NKAIN2: variants seen among roughly 807,000 people sequenced by gnomAD.
NKAIN2 encodes the protein sodium/potassium-transporting ATPase subunit beta-1-interacting protein 2.
NKAIN2 carries 14 observed loss-of-function variants against 32.6 expected under a neutral mutation model. The ratio of observed to expected loss-of-function variants is 0.43; its 90% confidence interval spans 0.28 to 0.67. NKAIN2 has a LOEUF of 0.67. Among genes scored for constraint, NKAIN2 ranks in the 30% least tolerant of loss-of-function variants. The pLI is 0.17. For synonymous variants in NKAIN2, 80 were observed against 87.2 expected (o/e 0.92, Z 0.46); for missense variants, 198 against 258.3 (o/e 0.77, Z 1.60).
chr6:123,961,650 C>A (rs1233496101), intron 1 of NKAIN2, among the ~76,000 whole-genome samples: 14 of 152,060 alleles, frequency 9.2e-5, no homozygotes, highest in Admixed American at 8.5e-4. Flanking sequence ...ATGGCTTGAA[C>A]CGAAAATGAC....
chr6:124,300,464 T>C (rs1479220885), intron 2 of NKAIN2, among the ~76,000 whole-genome samples: 1 of 152,162 alleles, frequency 6.6e-6, no homozygotes. Flanking sequence ...GACAATAGAC[T>C]AATATAGTAA....
At chr6:124,184,241 T>G (rs1789596574) in intron 1 of NKAIN2, among the ~76,000 whole-genome samples, 1 of 152,110 alleles carries the variant, frequency 6.6e-6, no homozygotes, top group African/African-American at 2.4e-5. Flanking sequence ...CCTCTCCTTT[T>G]TCACTATCAG....
At chr6:124,504,213 G>T (rs922413515) in intron 3 of NKAIN2, among the ~76,000 whole-genome samples, 2 of 152,094 alleles carry the variant, frequency 1.3e-5, no homozygotes, top group South Asian at 4.1e-4. Context: ...TTTTGAGCCA[G>T]CTTTACCATT....
intron 3 of NKAIN2, among the ~76,000 whole-genome samples, chr6:124,556,762 T>G (rs1378218259): frequency 6.6e-6 from 1 of 152,212 alleles, no homozygotes; most frequent in Non-Finnish European, 1.5e-5. Context: ...CTGATAAAAC[T>G]GAAATTTATG....
chr6:124,048,353 C>T (rs1782242066), intron 1 of NKAIN2, among the ~76,000 whole-genome samples: 1 of 151,854 alleles, frequency 6.6e-6, no homozygotes, highest in South Asian at 2.1e-4. Flanking sequence ...ATAGAAGAAC[C>T]TATTAATATT....
chr6:124,465,438 C>T (rs1776706784), intron 3 of NKAIN2, among the ~76,000 whole-genome samples: 2 of 151,918 alleles, frequency 1.3e-5, no homozygotes, highest in South Asian at 4.2e-4. Flanking sequence ...ACAATGAGAA[C>T]ACATGGACAA....
intron 3 of NKAIN2, among the ~76,000 whole-genome samples, chr6:124,481,937 C>T (rs1251999520): frequency 6.6e-6 from 1 of 152,022 alleles, no homozygotes; most frequent in Non-Finnish European, 1.5e-5. Context: ...AGTGCATAAA[C>T]AAATGTATGT....
intron 3 of NKAIN2, among the ~76,000 whole-genome samples, chr6:124,520,309 T>G (rs1779074541): frequency 6.6e-6 from 1 of 152,174 alleles, no homozygotes; most frequent in Non-Finnish European, 1.5e-5. Flanking sequence ...ACATCATACT[T>G]GATTTAAATG....
At chr6:124,436,795 T>C (rs1027487538) in intron 3 of NKAIN2, among the ~76,000 whole-genome samples, 2 of 152,152 alleles carry the variant, frequency 1.3e-5, no homozygotes, top group African/African-American at 4.8e-5. Context: ...GCAGGTTCTT[T>C]GAAAGTTTAA....
In NKAIN2 at chr6:123,890,818, A is replaced by G. The variant is rs567217887; in HGVS notation, c.54+86564A>G. On this transcript the variant is annotated intron_variant, in intron 1 of 6. Coordinates refer to ENST00000368417, the MANE Select transcript of NKAIN2 (RefSeq NM_001040214.3). The stretch of plus-strand genomic sequence containing the variant: ...CATAGAATTACCATGTGATCCAGCA[A>G]TTCCCCTTCTAGATATATACTTATA... Among the ~76,000 whole-genome samples, 97 of 152,234 alleles carry G rather than the reference A, an allele frequency of 6.4e-4. 1 individual carries two copies. Among genetic ancestry groups the G allele is most frequent in the Non-Finnish European group, 4.4e-4 (30 of 67,994 alleles).
chr6:124,705,740 T>G (rs1335409714), intron 4 of NKAIN2, among the ~76,000 whole-genome samples: 1 of 152,078 alleles, frequency 6.6e-6, no homozygotes, highest in Non-Finnish European at 1.5e-5. Flanking sequence ...TAAGACATAC[T>G]GTTAAACCCT....
intron 3 of NKAIN2, among the ~76,000 whole-genome samples, chr6:124,429,670 A>G (rs747593890): frequency 9.9e-5 from 15 of 152,182 alleles, no homozygotes; most frequent in Non-Finnish European, 1.8e-4. Flanking sequence ...AAATGAAGAA[A>G]TGAAACCCTG....
intron 3 of NKAIN2, among the ~76,000 whole-genome samples, chr6:124,557,962 T>C (rs1780537652): frequency 6.6e-6 from 1 of 152,224 alleles, no homozygotes; most frequent in Admixed American, 6.5e-5. Flanking sequence ...TACCTCAAAC[T>C]TGCACATGAC....
intron 1 of NKAIN2, among the ~76,000 whole-genome samples, chr6:124,188,509 C>T (rs113142568): frequency 0.022 from 3,350 of 152,246 alleles, 54 homozygotes; most frequent in Non-Finnish European, 0.032. Flanking sequence ...TTCATGGTAA[C>T]GCCTAGCTTA....
In NKAIN2 at chr6:124,001,800, A is replaced by AATATATATATAT. The variant is rs10567719; in HGVS notation, c.54+197567_54+197578dup. ...AGAAAAAGAAGTTCTCTTAGTTCTA[A>AATATATATATAT]ATATATATATATATATATATATATA... On this transcript the variant is annotated intron_variant, in intron 1 of 6. Transcript: ENST00000368417. Among the ~76,000 whole-genome samples the AATATATATATAT allele has an allele frequency of 6.2e-3, 843 of 134,976 alleles. 15 individuals carry two copies. The highest frequency in any genetic ancestry group is 0.016 in the African/African-American group (588 of 36,114). The allele number at this position is 134,976 out of a possible 152,430, so 88.5% of individuals were successfully genotyped here. A position where few individuals can be genotyped will look rare whatever the true frequency, so the allele number is the denominator to read the frequency against.
At chr6:124,087,043 A>G (rs192974049) in intron 1 of NKAIN2, among the ~76,000 whole-genome samples, 21 of 152,100 alleles carry the variant, frequency 1.4e-4, no homozygotes, top group Admixed American at 1.4e-3. Context: ...AGCAAATTGA[A>G]TCCAATAATA....
chr6:124,228,314 T>C (rs960340615), intron 1 of NKAIN2, among the ~76,000 whole-genome samples: 1 of 152,152 alleles, frequency 6.6e-6, no homozygotes, highest in Non-Finnish European at 1.5e-5. Context: ...TTTTTTGCCA[T>C]ATGAGTATAC....
chr6:123,919,967 G>A (rs1278263256), intron 1 of NKAIN2, among the ~76,000 whole-genome samples: 1 of 152,038 alleles, frequency 6.6e-6, no homozygotes, highest in Admixed American at 6.6e-5. Context: ...TTTTCAACTT[G>A]CAGCATTAAA....
At chr6:124,409,183 A>G (rs150852630) in intron 3 of NKAIN2, among the ~76,000 whole-genome samples, 2,222 of 152,204 alleles carry the variant, frequency 0.015, 44 homozygotes, top group African/African-American at 0.047. Context: ...AATGCCGTTT[A>G]TTTCCTTCTC....
Sources: gnomAD v4.1 joint callset for allele counts (sites outside exome capture counted in the v4.1 genomes callset) on GRCh38, gnomAD v4.1.1 for gene constraint, MANE v1.5 for transcripts, NCBI Gene and HGNC (gene_info 2026-07-23, HGNC 2026-07-21) for gene names.